Variants in PEX1 observed in about 807,000 individuals in gnomAD.
The protein encoded by PEX1 is peroxisomal biogenesis factor 1.
PEX1 carries 97 observed loss-of-function variants against 152.5 expected under a neutral mutation model. The observed-to-expected ratio is 0.64, with a 90% CI of 0.54 to 0.75. The LOEUF (loss-of-function observed/expected upper bound fraction) is 0.75. Among genes scored for constraint, PEX1 ranks in the 30% least tolerant of loss-of-function variants. PEX1 has a pLI of 0.00. For synonymous variants in PEX1, 485 were observed against 531.6 expected (o/e 0.91, Z 1.21); for missense variants, 1,357 against 1,516.3 (o/e 0.89, Z 1.74).
chr7:92,506,655 T>C (rs1792204985), intron 10 of PEX1: 7 of 496,968 alleles, frequency 1.4e-5, no homozygotes, highest in South Asian at 1.3e-4. Context: ...CACAACTACG[T>C]GGTATTTATC....
chr7:92,510,327 A>G (rs1385868872), intron 8 of PEX1, among the ~76,000 whole-genome samples: 3 of 151,704 alleles, frequency 2.0e-5, no homozygotes, highest in Non-Finnish European at 4.4e-5. Context: ...TTAGCCAGGC[A>G]TCATGGCATT....
intron 2 of PEX1, among the ~76,000 whole-genome samples, chr7:92,519,677 GAAA>G (rs1004668000): frequency 6.6e-5 from 10 of 152,098 alleles, no homozygotes; most frequent in African/African-American, 2.4e-4. Context: ...CAAGAAAAGT[GAAA>G]AATACACTGA....
intron 9 of PEX1, 25 bp downstream of exon 9, chr7:92,509,304 T>C (rs1205541108): frequency 1.4e-6 from 2 of 1,479,472 alleles, no homozygotes; most frequent in Non-Finnish European, 1.9e-6. Flanking sequence ...ATGTCTAACA[T>C]GCTAGTTTGG....
Position 92,499,680 on chromosome 7 carries a change from AAAG to A in PEX1, c.2718+21_2718+23del, listed in dbSNP as rs1349995133. On this transcript the variant is annotated intron_variant, in intron 16 of 23. Transcript: ENST00000248633. ...TTATGTTAATTTTACCTAAATAAAA[AAAG>A]AAGATAAGTAGACAACATACCTTGA... 11 of 1,592,184 alleles carry A rather than the reference AAAG, an allele frequency of 6.9e-6. No homozygotes were observed. The African/African-American group carries it at 9.4e-5, about 14-fold the overall frequency.
chr7:92,489,816 C>T lies in PEX1; in HGVS notation c.3534G>A (p.Arg1178=). ...DQLFSQPPVL[R]TASQEGCQEL... is the part of the protein sequence containing the mutation. ...CTTGGCAACCCTCTTGTGAAGCTGT[C>T]CTTAACACTGGAGGCTGTGAAAACA... The change falls in exon 22 of 24, where the codon AGG becomes AGA. Residue 1178 remains arginine, a synonymous_variant. Coordinates refer to ENST00000248633, the MANE Select transcript of PEX1 (RefSeq NM_000466.3). 1.2e-6 allele frequency: 2 copies of T among 1,613,942 alleles called. No homozygotes were observed. Among genetic ancestry groups the T allele is most frequent in the South Asian group, 1.1e-5 (1 of 91,074 alleles).
At chr7:92,502,785 A>G (rs1442356971) in intron 13 of PEX1, among the ~76,000 whole-genome samples, 1 of 152,150 alleles carries the variant, frequency 6.6e-6, no homozygotes, top group Non-Finnish European at 1.5e-5. Context: ...CCATCTATCT[A>G]TTTCTCTCTG....
Position 92,503,122 on chromosome 7 carries a change from C to A in PEX1, c.2145G>T (p.Gln715His), listed in dbSNP as rs1292385792. The A allele has an allele frequency of 6.2e-7, 1 of 1,613,584 alleles. No individual in the cohort carries two copies. The highest frequency in any genetic ancestry group is 8.5e-7 in the Non-Finnish European group (1 of 1,179,606). Residue 715 changes from glutamine (Q) to histidine (H), a missense_variant, in exon 13 of 24, where the codon CAG (glutamine) becomes CAT (histidine). Transcript: ENST00000248633. ...LVALIATSQSQQSLHPLLVSA... is the reference protein window; with the variant it reads ...LVALIATSQSHQSLHPLLVSA... ...AAACAAGTAAAGGATGTAGAGATTG[C>A]TGAGACTGACTTGTGGCAATCAGTG...
intron 13 of PEX1, 76 bp from the exon 14 acceptor site, chr7:92,502,155 T>G (rs1227553713): frequency 1.9e-6 from 2 of 1,076,358 alleles, no homozygotes; most frequent in Non-Finnish European, 2.8e-6. Flanking sequence ...TTGGAGAAAA[T>G]CAGGTTGACA....
In PEX1 at chr7:92,489,373, A is replaced by G. The variant is rs368274049; in HGVS notation, c.3687T>C (p.Ile1229=). 6.2e-6 allele frequency: 10 copies of G among 1,611,562 alleles called. No homozygotes were observed. The African/African-American group carries it at 9.3e-5, about 15-fold the overall frequency. The change falls in exon 23 of 24, where the codon ATT becomes ATC. Residue 1229 remains isoleucine (I), a synonymous_variant. Coordinates refer to ENST00000248633, the MANE Select transcript of PEX1 (RefSeq NM_000466.3). ...QPGPIKTRLA[I]SQSHLMTALG... is the part of the protein sequence containing the mutation. ...GTGCAGTCATTAAATGTGACTGACT[A>G]ATAGCCAGTCTGGTTTTGATTGGTC...
chr7:92,515,996 AAAAAG>A (rs777669353), intron 5 of PEX1, among the ~76,000 whole-genome samples: 3,215 of 121,890 alleles, frequency 0.026, 198 homozygotes, highest in African/African-American at 0.093. Flanking sequence ...TCTAACTCAA[AAAAAG>A]AAAAGAAAAG....
At position 92,527,832 on chromosome 7, in the gene PEX1, A is replaced by T. The variant is rs377661272; in HGVS notation, c.129+475T>A. Among the ~76,000 whole-genome samples the T allele has an allele frequency of 1.2e-4, 18 of 152,350 alleles. 1 individual carries two copies. Among genetic ancestry groups the T allele is most frequent in the African/African-American group, 4.1e-4 (17 of 41,590 alleles). On this transcript the variant is annotated intron_variant, in intron 1 of 23. Transcript: ENST00000248633. Reference sequence around the variant, plus strand: ...TTCCGCGTCAGCGACGCAGGGCAGAACCATCATTGTATTAACCTTTCCCGC... The same window carrying T: ...TTCCGCGTCAGCGACGCAGGGCAGATCCATCATTGTATTAACCTTTCCCGC...
chr7:92,502,371 A>G (rs1211093579), intron 13 of PEX1, among the ~76,000 whole-genome samples: 3 of 152,224 alleles, frequency 2.0e-5, no homozygotes, highest in African/African-American at 4.8e-5. Context: ...ATATCTTAAT[A>G]AAGTTGTGAA....
intron 20 of PEX1, among the ~76,000 whole-genome samples, chr7:92,492,592 A>G (rs879910802): frequency 1.9e-4 from 29 of 152,208 alleles, no homozygotes; most frequent in Non-Finnish European, 3.8e-4. Context: ...GAGCTTCAAA[A>G]CAACAACTTT....
At position 92,499,788 on chromosome 7, in the gene PEX1, C is replaced by G. The variant is rs1193232549; in HGVS notation, c.2634G>C (p.Leu878=). Residue 878 remains leucine, a synonymous_variant, in exon 16 of 24, where the codon CTG becomes CTC. Transcript: ENST00000248633. Reference sequence around the variant, plus strand: ...TTCCTGTTCCAGGCGGACCATACAACAGTATTCCTGTTCTTTGTCGTATGG... The same window carrying G: ...TTCCTGTTCCAGGCGGACCATACAAGAGTATTCCTGTTCTTTGTCGTATGG... ...NLPIRQRTGI[L]LYGPPGTGKT... 1 of 1,611,716 alleles carries G rather than the reference C, an allele frequency of 6.2e-7. No homozygotes were observed. Among genetic ancestry groups the G allele is most frequent in the Non-Finnish European group, 8.5e-7 (1 of 1,178,358 alleles).
At chr7:92,491,717 A>G in intron 20 of PEX1, 1 of 506,300 alleles carries the variant, frequency 2.0e-6, no homozygotes, top group East Asian at 3.6e-5. Flanking sequence ...TAATTTACCA[A>G]CCATCCCCCA....
intron 15 of PEX1, 37 bp downstream of exon 15, chr7:92,501,470 G>A (rs1791922149): frequency 6.4e-7 from 1 of 1,555,740 alleles, no homozygotes; most frequent in African/African-American, 1.4e-5. Flanking sequence ...TGGTTCTTCT[G>A]GGAGTAAGTA....
intron 6 of PEX1, among the ~76,000 whole-genome samples, chr7:92,513,240 C>G (rs1792561859): frequency 1.3e-5 from 2 of 152,104 alleles, no homozygotes; most frequent in Admixed American, 1.3e-4. Context: ...GGAACTCAAA[C>G]AGATACTTGT....
At chr7:92,499,641 A>G in intron 16 of PEX1, 63 bp downstream of exon 16, 2 of 1,375,664 alleles carry the variant, frequency 1.5e-6, no homozygotes, top group South Asian at 1.2e-5. Context: ...ACACTTTGAA[A>G]TGGCTAACTG....
intron 1 of PEX1, among the ~76,000 whole-genome samples, chr7:92,522,695 T>G (rs1445544574): frequency 6.6e-6 from 1 of 152,208 alleles, no homozygotes; most frequent in Non-Finnish European, 1.5e-5. Context: ...AGATATAAAT[T>G]TACTATTTTA....
Sources: allele counts gnomAD v4.1 joint callset (sites outside exome capture counted in the v4.1 genomes callset), GRCh38; gene constraint gnomAD v4.1.1; transcripts MANE v1.5; gene names NCBI Gene and HGNC (gene_info 2026-07-23, HGNC 2026-07-21).